THRB: variants seen among roughly 807,000 people sequenced by gnomAD.
THRB encodes the protein nuclear receptor subfamily 1 group A member 2.
THRB carries 12 observed loss-of-function variants against 47.8 expected under a neutral mutation model. The observed-to-expected ratio is 0.25, with a 90% CI of 0.16 to 0.41. THRB has a LOEUF of 0.41. THRB is among the 10% of genes least tolerant of loss of function. The pLI, the probability that THRB is intolerant of heterozygous loss-of-function variation, is 1.00. For synonymous variants in THRB, 218 were observed against 212.2 expected, an observed-to-expected ratio of 1.03 and a Z score of -0.24; for missense variants, 348 against 589.2, an observed-to-expected ratio of 0.59 and a Z score of 4.24.
At chr3:24,450,109 C>G (rs1437962009) in intron 1 of THRB, among the ~76,000 whole-genome samples, 1 of 152,050 alleles carries the variant, frequency 6.6e-6, no homozygotes, top group Non-Finnish European at 1.5e-5. Flanking sequence ...AGCATCATAA[C>G]TTAATATTTA....
intron 3 of THRB, among the ~76,000 whole-genome samples, chr3:24,230,215 T>C (rs1211922228): frequency 6.6e-6 from 1 of 152,218 alleles, no homozygotes; most frequent in Non-Finnish European, 1.5e-5. Context: ...ACTTCAAACC[T>C]TGATCATACT....
At chr3:24,178,813 T>C (rs2041518787) in intron 5 of THRB, among the ~76,000 whole-genome samples, 2 of 152,282 alleles carry the variant, frequency 1.3e-5, no homozygotes, top group Middle Eastern at 6.8e-3. Context: ...AAAGGGTACA[T>C]AATTTCAGTT....
intron 1 of THRB, among the ~76,000 whole-genome samples, chr3:24,382,083 T>C (rs2065754955): frequency 6.6e-6 from 1 of 151,806 alleles, no homozygotes; most frequent in African/African-American, 2.4e-5. Flanking sequence ...AATATCCACT[T>C]TGAATCATAA....
intron 5 of THRB, among the ~76,000 whole-genome samples, chr3:24,160,092 T>C (rs866523325): frequency 1.3e-5 from 2 of 152,104 alleles, no homozygotes; most frequent in Non-Finnish European, 2.9e-5. Context: ...CATAAAGTGA[T>C]GCAGGCTGAC....
At chr3:24,208,969 C>T (rs1218508691) in intron 4 of THRB, among the ~76,000 whole-genome samples, 1 of 152,146 alleles carries the variant, frequency 6.6e-6, no homozygotes, top group African/African-American at 2.4e-5. Flanking sequence ...TATCCAGAAT[C>T]TACAAAGAAC....
At chr3:24,311,766 T>C (rs1576745714) in intron 2 of THRB, among the ~76,000 whole-genome samples, 1 of 152,186 alleles carries the variant, frequency 6.6e-6, no homozygotes, top group Admixed American at 6.5e-5. Flanking sequence ...ATTTCTCACC[T>C]GGATTATAGA....
chr3:24,482,062 G>A (rs757814951), intron 1 of THRB, among the ~76,000 whole-genome samples: 2 of 152,114 alleles, frequency 1.3e-5, no homozygotes, highest in Admixed American at 6.5e-5. Context: ...ACTAACTAAA[G>A]AATAACTTAT....
intron 2 of THRB, among the ~76,000 whole-genome samples, chr3:24,334,975 G>A (rs769601462): frequency 5.3e-5 from 8 of 152,154 alleles, no homozygotes; most frequent in African/African-American, 1.4e-4. Context: ...TCTCACTTAC[G>A]GAATTCTTTA....
intron 5 of THRB, chr3:24,165,385 A>G (rs771479568): frequency 1.4e-6 from 1 of 740,508 alleles, no homozygotes. Context: ...TCTAGTTTAC[A>G]TATACACACA....
At chr3:24,206,513 GA>G (rs1168277853) in intron 4 of THRB, among the ~76,000 whole-genome samples, 1 of 151,964 alleles carries the variant, frequency 6.6e-6, no homozygotes, top group Non-Finnish European at 1.5e-5. Flanking sequence ...TGTGTAGAGG[GA>G]AATTTACAGC....
At chr3:24,310,884 T>G (rs190909928) in intron 2 of THRB, among the ~76,000 whole-genome samples, 20 of 152,282 alleles carry the variant, frequency 1.3e-4, no homozygotes, top group African/African-American at 4.8e-4. Flanking sequence ...GAAAAGGAAC[T>G]CTCTTTCTCA....
intron 5 of THRB, among the ~76,000 whole-genome samples, chr3:24,174,075 GTTT>G (rs2040812934): frequency 1.4e-5 from 1 of 72,132 alleles, no homozygotes; most frequent in Admixed American, 1.4e-4. Context: ...GGACGTGCAG[GTTT>G]GTTACATAGG....
At chr3:24,195,043 A>G (rs2043799831) in intron 4 of THRB, among the ~76,000 whole-genome samples, 1 of 152,198 alleles carries the variant, frequency 6.6e-6, no homozygotes, top group African/African-American at 2.4e-5. Context: ...GAGTGTGTAG[A>G]ATTATCATTG....
At chr3:24,143,912 C>T in intron 7 of THRB, 1 of 606,782 alleles carries the variant, frequency 1.6e-6, no homozygotes, top group Non-Finnish European at 2.9e-6. Context: ...TAGAGCCAAA[C>T]TCCCCATGAC....
At chr3:24,170,784 T>G (rs1293662990) in intron 5 of THRB, among the ~76,000 whole-genome samples, 6 of 152,058 alleles carry the variant, frequency 3.9e-5, no homozygotes, top group African/African-American at 1.4e-4. Context: ...GCCCTGACAC[T>G]CTTCATATAC....
chr3:24,317,690 T>G (rs6769421), intron 2 of THRB, among the ~76,000 whole-genome samples: 5,925 of 152,284 alleles, frequency 0.039, 215 homozygotes, highest in African/African-American at 0.094. Context: ...GACTACCATA[T>G]ATGGGAAAAT....
rs926854046 is a variant in THRB at position 24,190,193 on chromosome 3, G to A, written c.164C>T (p.Ser55Leu). 1.5e-5 allele frequency: 25 copies of A among 1,614,088 alleles called. No homozygotes were observed. The highest frequency in any genetic ancestry group is 1.1e-4 in the African/African-American group (8 of 75,038). ...CCAAGTGGTCTGGATGAGATGTGGC[G>A]ACGACTGTTCATTTTTCAACGTGCT... Reference protein sequence around the residue: ...RRSTLKNEQSSPHLIQTTWTS... With the variant: ...RRSTLKNEQSLPHLIQTTWTS... Residue 55 changes from serine to leucine, a missense_variant, in exon 5 of 11, where the codon TCG (serine) becomes TTG (leucine). Physicochemically the swap from Ser to Leu is moderately radical, Grantham distance 145. Around this residue, in one of 5 missense-constraint regions of THRB, gnomAD observed 148 missense variants for 122.3 expected, o/e 1.21. Coordinates refer to ENST00000646209, the MANE Select transcript of THRB (RefSeq NM_001354712.2).
intron 1 of THRB, among the ~76,000 whole-genome samples, chr3:24,445,035 T>A (rs1225905695): frequency 6.6e-6 from 1 of 152,092 alleles, no homozygotes; most frequent in African/African-American, 2.4e-5. Flanking sequence ...TAATGGGATA[T>A]ATAAACTATA....
intron 4 of THRB, among the ~76,000 whole-genome samples, chr3:24,210,131 A>G (rs1188711030): frequency 1.3e-5 from 2 of 152,184 alleles, no homozygotes; most frequent in Non-Finnish European, 2.9e-5. Context: ...ACGGTGCTGC[A>G]AAATGGTCCA....
Sources: gnomAD v4.1 joint callset for allele counts (sites outside exome capture counted in the v4.1 genomes callset) on GRCh38, gnomAD v4.1.1 for gene constraint, gnomAD v4.1.1 regional missense constraint, MANE v1.5 for transcripts, NCBI Gene and HGNC (gene_info 2026-07-23, HGNC 2026-07-21) for gene names.